The following CD36 variants were observed in gnomAD, a reference collection of about 807,000 sequenced individuals.
CD36 encodes the protein CD36 molecule (CD36 blood group).
In CD36, 119 loss-of-function variants were observed where a neutral mutation model predicts 55.2. The observed-to-expected ratio is 2.15, with a 90% CI of 1.86 to 2.51. CD36 has a LOEUF of 2.51. Ranked by LOEUF, CD36 falls within the 30% of genes most tolerant of loss-of-function variation. The pLI is 0.00. For missense variants in CD36, 819 were observed against 555.5 expected (o/e 1.47, Z -4.77); for synonymous variants, 186 against 193.6 (o/e 0.96, Z 0.33).
chr7:80,609,982 T>C (rs1228769279), intron 1 of CD36, among the ~76,000 whole-genome samples: 2 of 152,122 alleles, frequency 1.3e-5, no homozygotes, highest in Non-Finnish European at 2.9e-5. Context: ...GGACATGCGC[T>C]GTGAGGGGTG....
At chr7:80,628,184 TAG>T (rs1252633954) in intron 1 of CD36, among the ~76,000 whole-genome samples, 3 of 151,956 alleles carry the variant, frequency 2.0e-5, no homozygotes, top group African/African-American at 7.3e-5. Context: ...CTGTGATACA[TAG>T]AGTTACTGTT....
chr7:80,664,320 T>C, intron 6 of CD36, 86 bp from the exon 7 acceptor site: 1 of 773,452 alleles, frequency 1.3e-6, no homozygotes, highest in Non-Finnish European at 2.4e-6. Context: ...TAACCAGTGA[T>C]TGAGAAATGT....
At chr7:80,628,527 C>G (rs980418013) in intron 1 of CD36, among the ~76,000 whole-genome samples, 9 of 151,832 alleles carry the variant, frequency 5.9e-5, no homozygotes, top group African/African-American at 1.9e-4. Flanking sequence ...CTTTTTTTCT[C>G]CTCCTTTAAG....
intron 7 of CD36, 27 bp downstream of exon 7, chr7:80,664,524 T>C (rs1466798825): frequency 1.7e-6 from 2 of 1,165,984 alleles, no homozygotes; most frequent in Non-Finnish European, 2.6e-6. Context: ...AATGTGCATG[T>C]ATGTTACTAG....
intron 5 of CD36, 25 bp from the exon 6 acceptor site, chr7:80,662,965 T>TAA: frequency 6.3e-7 from 1 of 1,576,384 alleles, no homozygotes; most frequent in Non-Finnish European, 8.7e-7. Context: ...TATTCTTGTC[T>TAA]TAAACAGTGA....
At chr7:80,634,893 T>C (rs1584331517), upstream of CD36, among the ~76,000 whole-genome samples, 3 of 151,852 alleles carry the variant, frequency 2.0e-5, no homozygotes, top group East Asian at 5.8e-4. Context: ...GGAATAAAAA[T>C]GTAAACATTT....
chr7:80,666,526 C>T, intron 8 of CD36, 37 bp downstream of exon 8: 1 of 1,487,668 alleles, frequency 6.7e-7, no homozygotes, highest in South Asian at 1.1e-5. Flanking sequence ...ACAGTTAATC[C>T]ACCTCCCTTT....
chr7:80,666,737 A>G (rs1797128523), intron 8 of CD36, among the ~76,000 whole-genome samples: 1 of 152,234 alleles, frequency 6.6e-6, no homozygotes, highest in South Asian at 2.1e-4. Context: ...CTTTGTAAAA[A>G]CTTTACTGCC....
chr7:80,658,251 T>C (rs1393682368), intron 4 of CD36, among the ~76,000 whole-genome samples: 1 of 151,262 alleles, frequency 6.6e-6, no homozygotes, highest in Non-Finnish European at 1.5e-5. Flanking sequence ...TTGCAAAGAA[T>C]GTTGTTAGGT....
At position 80,666,612 on chromosome 7, in the gene CD36, A is replaced by G; in HGVS notation, c.748+123A>G. The G allele has an allele frequency of 4.0e-6, 3 of 754,000 alleles. No homozygotes were observed. In the South Asian group the frequency reaches 4.3e-5, roughly 11 times the overall value. The allele number at this position is 754,000 out of a possible 1,614,324, so 46.7% of individuals were successfully genotyped here. On this transcript the variant is annotated intron_variant, in intron 8 of 14. Transcript: ENST00000447544. ...GTTTACTTGCCTTTATATCCCCACA[A>G]CAAAATTCAGAGTCACTATTTGTAT...
intron 10 of CD36, 21 bp downstream of exon 10, chr7:80,671,185 G>C (rs369378863): frequency 4.4e-5 from 66 of 1,494,068 alleles, no homozygotes; most frequent in Non-Finnish European, 5.6e-5. Flanking sequence ...AACCTCAGTA[G>C]CACAGTCCAT....
chr7:80,661,101 C>T lies in CD36; in HGVS notation c.320C>T (p.Ala107Val). ...FLAKENVTQDAEDNTVSFLQP... is the reference protein window; with the variant it reads ...FLAKENVTQDVEDNTVSFLQP... Reference sequence around the variant, plus strand: ...GCCAAGGAAAATGTAACCCAGGACGCTGAGGACAACACAGTCTCTTTCCTG... The same window carrying T: ...GCCAAGGAAAATGTAACCCAGGACGTTGAGGACAACACAGTCTCTTTCCTG... The change falls in exon 5 of 15, where the codon GCT becomes GTT. Residue 107 changes from alanine (A) to valine (V), a missense_variant. Physicochemically the swap from Ala to Val is moderately conservative, Grantham distance 64. Transcript: ENST00000447544. 1 of 1,613,958 alleles carries T rather than the reference C, an allele frequency of 6.2e-7. No homozygotes were observed. Among genetic ancestry groups the T allele is most frequent in the African/African-American group, 1.3e-5 (1 of 75,046 alleles).
At chr7:80,639,428 TC>T (rs1046285074) in intron 1 of CD36, among the ~76,000 whole-genome samples, 38 of 152,086 alleles carry the variant, frequency 2.5e-4, no homozygotes, top group Middle Eastern at 3.4e-3. Flanking sequence ...TAATTTTTTT[TC>T]GATTCAGGAA....
intron 4 of CD36, among the ~76,000 whole-genome samples, chr7:80,658,505 T>C (rs568594417): frequency 1.3e-5 from 2 of 152,300 alleles, no homozygotes; most frequent in East Asian, 3.9e-4. Context: ...ATTTTGTTTA[T>C]TTTTTGAGGC....
chr7:80,632,951 G>A (rs887993487), intron 1 of CD36, among the ~76,000 whole-genome samples: 2 of 151,622 alleles, frequency 1.3e-5, no homozygotes, highest in Non-Finnish European at 2.9e-5. Flanking sequence ...TTTTCTCAAC[G>A]TTTAAAAAAC....
intron 1 of CD36, among the ~76,000 whole-genome samples, chr7:80,613,332 A>G (rs1792980114): frequency 6.6e-6 from 1 of 152,008 alleles, no homozygotes; most frequent in Non-Finnish European, 1.5e-5. Flanking sequence ...AAATATGATA[A>G]AGGCAATACA....
At chr7:80,666,327 T>C in intron 7 of CD36, 116 bp from the exon 8 acceptor site, 1 of 738,876 alleles carries the variant, frequency 1.4e-6, no homozygotes, top group East Asian at 2.7e-5. Context: ...AACTTAGTAC[T>C]TGTCACATTT....
intron 1 of CD36, among the ~76,000 whole-genome samples, chr7:80,632,798 T>C (rs1267724136): frequency 6.6e-6 from 1 of 151,992 alleles, no homozygotes; most frequent in East Asian, 1.9e-4. Context: ...ATTTATTTTA[T>C]TTTAAAGACT....
rs1797926697 is a variant in CD36, at chr7:80,673,424, C to T, written c.1254+15C>T. The T allele has an allele frequency of 7.9e-6, 12 of 1,516,628 alleles. No homozygotes were observed. The highest frequency in any genetic ancestry group is 1.0e-5 in the Non-Finnish European group (11 of 1,092,214). 93.9% of individuals were successfully genotyped at this position (1,516,628 alleles called of 1,614,324 possible). A position where few individuals can be genotyped will look rare whatever the true frequency, so the allele number is the denominator to read the frequency against. ...GGCTTAATGAGGTTTGTATTTGCAG[C>T]TGTTAGTCATTAAAAACAACCTTCT... is the stretch of plus-strand genomic sequence containing the variant. On this transcript the variant is annotated intron_variant, in intron 13 of 14. Coordinates refer to ENST00000447544, the MANE Select transcript of CD36 (RefSeq NM_001001548.3).
Sources: gnomAD v4.1 joint callset for allele counts (sites outside exome capture counted in the v4.1 genomes callset) on GRCh38, gnomAD v4.1.1 for gene constraint, MANE v1.5 for transcripts, NCBI Gene and HGNC (gene_info 2026-07-23, HGNC 2026-07-21) for gene names.